Variants in DAZAP2 observed in about 807,000 individuals in gnomAD.
The protein encoded by DAZAP2 is DAZ associated protein 2, also known as DAZ-associated protein 2.
In DAZAP2, 3 loss-of-function variants were observed where a neutral mutation model predicts 16.2. The ratio of observed to expected loss-of-function variants is 0.19; its 90% CI spans 0.08 to 0.48. The LOEUF is 0.48. DAZAP2 is among the 20% of genes least tolerant of loss of function. The pLI is 0.98. For missense variants in DAZAP2, 172 were observed against 215.9 expected (o/e 0.80, Z 1.27); for synonymous variants, 69 against 77.6 (o/e 0.89, Z 0.58).
intron 3 of DAZAP2, among the ~76,000 whole-genome samples, chr12:51,241,737 A>G (rs1198436603): frequency 1.3e-5 from 2 of 152,068 alleles, no homozygotes; most frequent in African/African-American, 4.8e-5. Flanking sequence ...GCTGGCCAAC[A>G]TGGTGAAACC....
chr12:51,245,000 T>A (rs1211795278), downstream of DAZAP2: 1 of 150,434 alleles, frequency 6.6e-6, no homozygotes, highest in Non-Finnish European at 1.5e-5. Flanking sequence ...ATTTTTTTTA[T>A]ATATTTTTAG....
chr12:51,244,657 T>C (rs897711628), downstream of DAZAP2: 1 of 152,160 alleles, frequency 6.6e-6, no homozygotes, highest in African/African-American at 2.4e-5. Context: ...CAACTTATCT[T>C]GAGACTAAAA....
At chr12:51,246,070 G>A, downstream of DAZAP2, 4 of 1,613,940 alleles carry the variant, frequency 2.5e-6, no homozygotes, top group Non-Finnish European at 3.4e-6. Flanking sequence ...GGTAAAAGAA[G>A]ATCAAGATCA....
chr12:51,238,918 A>T lies in DAZAP2; in HGVS notation c.11A>T (p.Lys4Ile). The T allele has an allele frequency of 6.2e-7, 1 of 1,613,490 alleles. No individual in the cohort carries two copies. The highest frequency in any genetic ancestry group is 8.5e-7 in the Non-Finnish European group (1 of 1,179,892). MNS[K>I]GQYPTQPTYP... ...GGACCCGCAACCACCATGAACAGCA[A>T]AGGCAAGGACCGAGGGTGGCAGAGG... The change falls in exon 1 of 4, where the codon AAA becomes ATA. Residue 4 changes from lysine (K) to isoleucine (I), a missense_variant and splice_region_variant. Coordinates refer to ENST00000412716, the MANE Select transcript of DAZAP2 (RefSeq NM_014764.4).
intron 1 of DAZAP2, 166 bp downstream of exon 1, chr12:51,239,086 A>C: frequency 1.0e-6 from 1 of 954,978 alleles, no homozygotes; most frequent in Non-Finnish European, 1.5e-6. Flanking sequence ...TCATACCCAA[A>C]TTACGGCAGC....
downstream of DAZAP2, chr12:51,246,403 G>A: frequency 2.1e-6 from 1 of 471,768 alleles, no homozygotes; most frequent in South Asian, 4.0e-5. Context: ...CGGGAAGGAG[G>A]GAACAGGAAA....
chr12:51,243,035 T>C lies in DAZAP2; in HGVS notation c.*577T>C. The C allele has an allele frequency of 2.0e-6, 2 of 995,376 alleles. No individual in the cohort carries two copies. The highest frequency in any genetic ancestry group is 9.0e-5 in the South Asian group (2 of 22,280). 61.7% of individuals were successfully genotyped at this position (995,376 alleles called of 1,614,324 possible). A position where few individuals can be genotyped will look rare whatever the true frequency, so the allele number is the denominator to read the frequency against. On this transcript the variant is annotated 3_prime_UTR_variant, in exon 4 of 4. Coordinates refer to ENST00000412716, the MANE Select transcript of DAZAP2 (RefSeq NM_014764.4). The stretch of plus-strand genomic sequence containing the variant: ...AGCCAGTCAGACTAATTTCCTTCTT[T>C]CCTCGCACTTCTCCCCACTCGTCAT...
downstream of DAZAP2, chr12:51,245,267 C>T (rs957393309): frequency 6.6e-5 from 10 of 152,254 alleles, no homozygotes; most frequent in East Asian, 1.9e-4. Flanking sequence ...TATGTAAAGG[C>T]GTTAAATAGG....
downstream of DAZAP2, chr12:51,246,660 G>A (rs1216365906): frequency 5.0e-6 from 4 of 799,132 alleles, no homozygotes; most frequent in Non-Finnish European, 7.5e-6. Flanking sequence ...ACAAGCCAGA[G>A]TGAGCCCATT....
chr12:51,238,903 C>T lies in DAZAP2; in HGVS notation c.-5C>T. On this transcript the variant is annotated 5_prime_UTR_variant, in exon 1 of 4. Coordinates refer to ENST00000412716, the MANE Select transcript of DAZAP2 (RefSeq NM_014764.4). ...ACGCCGAGACAAACCGGACCCGCAA[C>T]CACCATGAACAGCAAAGGCAAGGAC... The T allele has an allele frequency of 6.2e-7, 1 of 1,613,528 alleles. No individual in the cohort carries two copies. The highest frequency in any genetic ancestry group is 8.5e-7 in the Non-Finnish European group (1 of 1,179,932).
At chr12:51,244,428 C>G (rs1423539510), downstream of DAZAP2, 1 of 152,248 alleles carries the variant, frequency 6.6e-6, no homozygotes, top group Non-Finnish European at 1.5e-5. Flanking sequence ...CTCCTGACCT[C>G]AAGTGATCTG....
Position 51,243,376 on chromosome 12 carries a change from G to C in DAZAP2, c.*918G>C. Reference sequence around the variant, plus strand: ...AGAGCTAAATTAAGAGGAGTTTTCAGATCAAAAACTGGTTACCATTTTTTG... The same window carrying C: ...AGAGCTAAATTAAGAGGAGTTTTCACATCAAAAACTGGTTACCATTTTTTG... On this transcript the variant is annotated 3_prime_UTR_variant, in exon 4 of 4. Coordinates refer to ENST00000412716, the MANE Select transcript of DAZAP2 (RefSeq NM_014764.4). The C allele has an allele frequency of 3.0e-6, 3 of 985,790 alleles. No individual in the cohort carries two copies. The highest frequency in any genetic ancestry group is 3.6e-6 in the Non-Finnish European group (3 of 829,938). The allele number at this position is 985,790 out of a possible 1,614,324, so 61.1% of individuals were successfully genotyped here.
At chr12:51,244,918 G>A (rs1424136103), downstream of DAZAP2, 1 of 145,698 alleles carries the variant, frequency 6.9e-6, no homozygotes, top group Non-Finnish European at 1.5e-5. Flanking sequence ...TCCGCCTCCT[G>A]GGTTCAAGCC....
At chr12:51,239,110 G>A (rs1006604604) in intron 1 of DAZAP2, 190 bp downstream of exon 1, 1 of 798,282 alleles carries the variant, frequency 1.3e-6, no homozygotes, top group African/African-American at 1.8e-5. Context: ...CTGCCTCCAG[G>A]CCCTTTCCTC....
At chr12:51,240,001 G>A (rs1050822658) in intron 1 of DAZAP2, 3 of 288,402 alleles carry the variant, frequency 1.0e-5, no homozygotes, top group African/African-American at 6.5e-5. Flanking sequence ...ACTACCTAGA[G>A]CAGAGGCACC....
intron 1 of DAZAP2, chr12:51,239,563 G>A (rs997370593): frequency 6.6e-6 from 1 of 151,752 alleles, no homozygotes; most frequent in South Asian, 2.0e-4. Context: ...CGGATCACCT[G>A]AGGTCAAGAG....
chr12:51,241,082 G>A lies in DAZAP2; in HGVS notation c.344G>A (p.Arg115Lys). ...LVEGGYDAGARFGAGATAGNI... is the reference protein window; with the variant it reads ...LVEGGYDAGAKFGAGATAGNI... ...GAAGGAGGGTATGATGCAGGTGCCA[G>A]ATTTGGAGCTGGGGCTACTGCTGGC... The change falls in exon 3 of 4, where the codon AGA becomes AAA. Residue 115 changes from arginine (R) to lysine (K), a missense_variant. Physicochemically the swap from Arg to Lys is conservative, Grantham distance 26 (BLOSUM62 2). Coordinates refer to ENST00000412716, the MANE Select transcript of DAZAP2 (RefSeq NM_014764.4). 1 of 1,614,234 alleles carries A rather than the reference G, an allele frequency of 6.2e-7. No homozygotes were observed. The highest frequency in any genetic ancestry group is 1.1e-5 in the South Asian group (1 of 91,090).
At chr12:51,245,637 A>G (rs773381216), downstream of DAZAP2, 3 of 308,594 alleles carry the variant, frequency 9.7e-6, no homozygotes, top group Non-Finnish European at 1.8e-5. Flanking sequence ...TCTCCCTTCA[A>G]CCTGTGAAAA....
chr12:51,246,383 C>T, downstream of DAZAP2: 2 of 488,920 alleles, frequency 4.1e-6, no homozygotes, highest in East Asian at 6.5e-5. Flanking sequence ...GTTCCTGATT[C>T]TTAAAGAAAC....
Sources: gnomAD v4.1 joint callset for allele counts (sites outside exome capture counted in the v4.1 genomes callset) on GRCh38, gnomAD v4.1.1 for gene constraint, MANE v1.5 for transcripts, NCBI Gene and HGNC (gene_info 2026-07-23, HGNC 2026-07-21) for gene names.